The following MIPOL1 variants were observed in gnomAD, a reference collection of about 807,000 sequenced individuals.
The protein encoded by MIPOL1 is mirror-image polydactyly 1, also known as mirror-image polydactyly gene 1 protein.
In MIPOL1, 57 loss-of-function variants were observed where a neutral mutation model predicts 60.9. The ratio of observed to expected loss-of-function variants is 0.94; its 90% CI spans 0.76 to 1.17. The LOEUF is 1.17. MIPOL1 is among the 50% of genes most tolerant of loss of function. The pLI, the probability that MIPOL1 is intolerant of heterozygous loss-of-function variation, is 0.00. For missense variants in MIPOL1, 551 were observed against 511.6 expected (o/e 1.08, Z -0.74); for synonymous variants, 179 against 168.8 (o/e 1.06, Z -0.47).
intron 1 of MIPOL1, among the ~76,000 whole-genome samples, chr14:37,231,526 A>G (rs1348088364): frequency 1.3e-5 from 2 of 152,196 alleles, no homozygotes; most frequent in Non-Finnish European, 2.9e-5. Flanking sequence ...AGGCTAATAG[A>G]TGAATGTCTT....
At chr14:37,393,544 T>G (rs907087436) in intron 10 of MIPOL1, among the ~76,000 whole-genome samples, 3 of 151,920 alleles carry the variant, frequency 2.0e-5, no homozygotes, top group Non-Finnish European at 4.4e-5. Flanking sequence ...CTCCTTGTAG[T>G]GTTTTTTAGT....
At chr14:37,535,509 T>C (rs1350063550) in intron 12 of MIPOL1, among the ~76,000 whole-genome samples, 1 of 152,206 alleles carries the variant, frequency 6.6e-6, no homozygotes, top group Non-Finnish European at 1.5e-5. Context: ...ATTCTCACTT[T>C]CTCACTGTTT....
At chr14:37,447,001 C>T (rs1004035577) in intron 11 of MIPOL1, among the ~76,000 whole-genome samples, 3 of 151,714 alleles carry the variant, frequency 2.0e-5, no homozygotes, top group Non-Finnish European at 2.9e-5. Context: ...GTGCAGCACA[C>T]CAGCATGGCA....
chr14:37,339,836 G>C (rs2090440018), intron 9 of MIPOL1, among the ~76,000 whole-genome samples: 1 of 152,108 alleles, frequency 6.6e-6, no homozygotes, highest in East Asian at 1.9e-4. Context: ...GTGGAGATTG[G>C]TGCAGACTGG....
At chr14:37,265,165 A>G (rs1220284106) in intron 3 of MIPOL1, 1 of 152,008 alleles carries the variant, frequency 6.6e-6, no homozygotes, top group East Asian at 1.9e-4. Flanking sequence ...TTTATAGTCT[A>G]TTAACTTTTT....
At chr14:37,400,445 A>T (rs1427025094) in intron 10 of MIPOL1, 1 of 152,174 alleles carries the variant, frequency 6.6e-6, no homozygotes, top group Non-Finnish European at 1.5e-5. Flanking sequence ...TACTTAAAGC[A>T]TAAGTAAGAT....
At chr14:37,504,576 A>C (rs2095257148) in intron 12 of MIPOL1, 1 of 152,210 alleles carries the variant, frequency 6.6e-6, no homozygotes, top group African/African-American at 2.4e-5. Flanking sequence ...AAGACACAAC[A>C]TACCAGAATC....
intron 10 of MIPOL1, among the ~76,000 whole-genome samples, chr14:37,373,209 C>T (rs1295880325): frequency 6.6e-6 from 1 of 152,004 alleles, no homozygotes; most frequent in Non-Finnish European, 1.5e-5. Flanking sequence ...TGTCACAATG[C>T]CCACACTGGT....
intron 11 of MIPOL1, among the ~76,000 whole-genome samples, chr14:37,460,532 T>C (rs893067328): frequency 1.7e-4 from 26 of 152,032 alleles, no homozygotes; most frequent in Admixed American, 1.6e-3. Flanking sequence ...GAGAAAGAAA[T>C]AGAAGGCATC....
intron 12 of MIPOL1, chr14:37,507,614 G>C (rs563539004): frequency 6.6e-6 from 1 of 152,132 alleles, no homozygotes; most frequent in Admixed American, 6.5e-5. Context: ...GGGACTGGGG[G>C]TCTGGGAGAG....
At chr14:37,224,033 G>C (rs1291609981) in intron 1 of MIPOL1, among the ~76,000 whole-genome samples, 1 of 152,144 alleles carries the variant, frequency 6.6e-6, no homozygotes, top group Non-Finnish European at 1.5e-5. Flanking sequence ...TATCTCCTCA[G>C]TTCCCTAAAG....
intron 6 of MIPOL1, among the ~76,000 whole-genome samples, chr14:37,279,861 T>G (rs1316707718): frequency 6.6e-6 from 1 of 152,152 alleles, no homozygotes; most frequent in Non-Finnish European, 1.5e-5. Context: ...TAAGTCACCT[T>G]GATGTGTAAT....
chr14:37,433,223 AT>A (rs199968021), intron 11 of MIPOL1, among the ~76,000 whole-genome samples: 31 of 148,132 alleles, frequency 2.1e-4, no homozygotes, highest in Admixed American at 1.0e-3. Flanking sequence ...ACCATGCCTA[AT>A]TTTTTTTTTT....
intron 9 of MIPOL1, among the ~76,000 whole-genome samples, chr14:37,321,150 A>G (rs978338050): frequency 6.6e-6 from 1 of 152,040 alleles, no homozygotes; most frequent in Non-Finnish European, 1.5e-5. Flanking sequence ...AAGAATAGTT[A>G]AAGCAAGATT....
intron 1 of MIPOL1, among the ~76,000 whole-genome samples, chr14:37,241,730 A>G (rs546627615): frequency 2.6e-5 from 4 of 152,282 alleles, no homozygotes; most frequent in Non-Finnish European, 5.9e-5. Flanking sequence ...ATACAAAACA[A>G]TTTATTTTCA....
chr14:37,394,760 T>G (rs1002519710), intron 10 of MIPOL1, among the ~76,000 whole-genome samples: 3 of 152,202 alleles, frequency 2.0e-5, no homozygotes, highest in African/African-American at 7.2e-5. Flanking sequence ...CAAAACCTCT[T>G]TAGTTTAATT....
At chr14:37,225,656 C>T (rs1404553820) in intron 1 of MIPOL1, among the ~76,000 whole-genome samples, 1 of 152,162 alleles carries the variant, frequency 6.6e-6, no homozygotes, top group East Asian at 1.9e-4. Flanking sequence ...GTGGGAGCAG[C>T]TGCTGTGAAG....
At chr14:37,343,296 A>G (rs1031938492) in intron 9 of MIPOL1, among the ~76,000 whole-genome samples, 1 of 152,116 alleles carries the variant, frequency 6.6e-6, no homozygotes, top group African/African-American at 2.4e-5. Context: ...CAAGTTTAAA[A>G]AAACTCTTTA....
chr14:37,310,787 G>C (rs575947781), intron 9 of MIPOL1, among the ~76,000 whole-genome samples: 1 of 152,096 alleles, frequency 6.6e-6, no homozygotes, highest in Non-Finnish European at 1.5e-5. Flanking sequence ...GCAAGGGCCC[G>C]ACTCCTGGAC....
Sources: allele counts gnomAD v4.1 joint callset (sites outside exome capture counted in the v4.1 genomes callset), GRCh38; gene constraint gnomAD v4.1.1; transcripts MANE v1.5; gene names NCBI Gene and HGNC (gene_info 2026-07-23, HGNC 2026-07-21).